ZBTB34: variants seen among roughly 807,000 people sequenced by gnomAD.
The protein encoded by ZBTB34 is zinc finger and BTB domain-containing protein 34.
ZBTB34 carries 1 observed loss-of-function variant against 33.4 expected under a neutral mutation model. The ratio of observed to expected loss-of-function variants is 0.03; its 90% CI spans 0.01 to 0.14. The LOEUF is 0.14. ZBTB34 is among the 10% of genes least tolerant of loss of function. The pLI is 1.00. For missense variants in ZBTB34, 406 were observed against 657.2 expected, an observed-to-expected ratio of 0.62 and a Z score of 4.18; for synonymous variants, 283 against 253.5, an observed-to-expected ratio of 1.12 and a Z score of -1.11.
intron 1 of ZBTB34, among the ~76,000 whole-genome samples, chr9:126,864,970 G>A (rs141893806): frequency 2.0e-5 from 3 of 152,162 alleles, no homozygotes; most frequent in African/African-American, 7.2e-5. Context: ...ATCAGCAAAT[G>A]ACTGAAGCCA....
intron 1 of ZBTB34, among the ~76,000 whole-genome samples, chr9:126,868,159 A>G (rs1392929514): frequency 6.6e-6 from 1 of 152,030 alleles, no homozygotes; most frequent in Non-Finnish European, 1.5e-5. Flanking sequence ...TTTGGGTAAA[A>G]TGCGTTAACC....
At chr9:126,873,644 G>A (rs944525727) in intron 1 of ZBTB34, among the ~76,000 whole-genome samples, 3 of 151,464 alleles carry the variant, frequency 2.0e-5, no homozygotes, top group East Asian at 2.0e-4. Flanking sequence ...TTGCTCTGTC[G>A]CCCAGGCTGG....
chr9:126,877,553 A>G (rs1564224971), intron 1 of ZBTB34, among the ~76,000 whole-genome samples: 1 of 152,216 alleles, frequency 6.6e-6, no homozygotes, highest in South Asian at 2.1e-4. Context: ...GGCTATATAT[A>G]CTTAAGTAGT....
intron 1 of ZBTB34, among the ~76,000 whole-genome samples, chr9:126,867,348 G>C (rs1160752951): frequency 1.3e-5 from 2 of 151,692 alleles, no homozygotes; most frequent in African/African-American, 2.4e-5. Flanking sequence ...CAAGGCTGAT[G>C]GGTTAAAAAT....
intron 1 of ZBTB34, among the ~76,000 whole-genome samples, chr9:126,868,068 T>C (rs1374170382): frequency 6.6e-6 from 1 of 152,184 alleles, no homozygotes; most frequent in East Asian, 1.9e-4. Flanking sequence ...TGTTCACCCT[T>C]CTCAGCCTCA....
chr9:126,872,022 C>T (rs1164345640), intron 1 of ZBTB34, among the ~76,000 whole-genome samples: 1 of 151,612 alleles, frequency 6.6e-6, no homozygotes, highest in African/African-American at 2.4e-5. Context: ...GGCACGATCT[C>T]GGCTCACTGC....
intron 1 of ZBTB34, among the ~76,000 whole-genome samples, chr9:126,877,578 C>T (rs1301381273): frequency 6.6e-6 from 1 of 152,140 alleles, no homozygotes; most frequent in Non-Finnish European, 1.5e-5. Context: ...AGCAGTCTGG[C>T]GCTGCAGATT....
chr9:126,864,536 A>T (rs2033177504), intron 1 of ZBTB34, among the ~76,000 whole-genome samples: 1 of 152,206 alleles, frequency 6.6e-6, no homozygotes, highest in Admixed American at 6.5e-5. Flanking sequence ...AACAGTTTGG[A>T]TAAAAATGTT....
chr9:126,861,077 C>A (rs577854722), intron 1 of ZBTB34, among the ~76,000 whole-genome samples: 1 of 152,170 alleles, frequency 6.6e-6, no homozygotes, highest in Admixed American at 6.5e-5. Flanking sequence ...CGGGGCGTCT[C>A]GGGATCCCCA....
At chr9:126,875,735 A>G (rs2033347680) in intron 1 of ZBTB34, among the ~76,000 whole-genome samples, 1 of 152,156 alleles carries the variant, frequency 6.6e-6, no homozygotes, top group African/African-American at 2.4e-5. Flanking sequence ...TTTGCATATT[A>G]TATCTGCATG....
chr9:126,874,542 T>C (rs1025274895), intron 1 of ZBTB34, among the ~76,000 whole-genome samples: 4 of 152,300 alleles, frequency 2.6e-5, no homozygotes, highest in Admixed American at 6.5e-5. Context: ...TGAAGAAGGA[T>C]CTAAATTTAT....
chr9:126,875,866 A>G (rs780224610), intron 1 of ZBTB34, among the ~76,000 whole-genome samples: 40 of 152,160 alleles, frequency 2.6e-4, no homozygotes, highest in Admixed American at 7.9e-4. Context: ...CTTCCCAGGC[A>G]CTGATGGGAA....
chr9:126,867,031 A>G (rs1166919936), intron 1 of ZBTB34, among the ~76,000 whole-genome samples: 2 of 151,570 alleles, frequency 1.3e-5, no homozygotes, highest in East Asian at 1.9e-4. Context: ...CACTCCTTCC[A>G]TATCAAAGCA....
chr9:126,870,210 CTT>C (rs1187506511), intron 1 of ZBTB34, among the ~76,000 whole-genome samples: 1 of 152,120 alleles, frequency 6.6e-6, no homozygotes, highest in East Asian at 1.9e-4. Flanking sequence ...CAGCTGCAAA[CTT>C]AATCTAAATG....
chr9:126,865,355 A>C (rs2033187569), intron 1 of ZBTB34, among the ~76,000 whole-genome samples: 1 of 152,242 alleles, frequency 6.6e-6, no homozygotes, highest in Admixed American at 6.5e-5. Flanking sequence ...CTGGGCACGC[A>C]GTCCCTGCCC....
At chr9:126,884,990 A>G (rs2033501177) in exon 2 of ZBTB34, 1 of 167,026 alleles carries the variant, frequency 6.0e-6, no homozygotes, top group South Asian at 2.1e-4. Context: ...ATTAAATTTT[A>G]TATATGAAAG....
At chr9:126,878,850 A>G (rs2033397550) in intron 1 of ZBTB34, among the ~76,000 whole-genome samples, 1 of 151,716 alleles carries the variant, frequency 6.6e-6, no homozygotes, top group African/African-American at 2.4e-5. Flanking sequence ...CAGCCTCCCA[A>G]GTAGCTGGAA....
chr9:126,860,982 G>A, intron 1 of ZBTB34, among the ~76,000 whole-genome samples: 1 of 151,820 alleles, frequency 6.6e-6, no homozygotes. Context: ...CGAGGGGCCA[G>A]CTGTGCTCGG....
chr9:126,866,428 T>C (rs2033202549), intron 1 of ZBTB34, among the ~76,000 whole-genome samples: 1 of 152,192 alleles, frequency 6.6e-6, no homozygotes, highest in Non-Finnish European at 1.5e-5. Context: ...GTCCCTGAGC[T>C]GGGGCCACTG....
Sources: allele counts gnomAD v4.1 joint callset (sites outside exome capture counted in the v4.1 genomes callset), GRCh38; gene constraint gnomAD v4.1.1; transcripts MANE v1.5; gene names NCBI Gene and HGNC (gene_info 2026-07-23, HGNC 2026-07-21).